Variants in COG5 observed in about 807,000 individuals in gnomAD.
The protein encoded by COG5 is conserved oligomeric Golgi complex subunit 5.
Under a neutral mutation model 110.4 loss-of-function variants are expected in COG5, and 86 were observed. The ratio of observed to expected loss-of-function variants is 0.78; its 90% CI spans 0.65 to 0.93. The LOEUF is 0.93. Ranked by LOEUF, COG5 falls within the 40% of genes least tolerant of loss-of-function variation. COG5 has a pLI of 0.00. For synonymous variants in COG5, 360 were observed against 334.6 expected (o/e 1.08, Z -0.83); for missense variants, 1,077 against 987.0 (o/e 1.09, Z -1.22).
intron 6 of COG5, among the ~76,000 whole-genome samples, chr7:107,461,873 C>G (rs898794591): frequency 6.6e-6 from 1 of 151,922 alleles, no homozygotes; most frequent in African/African-American, 2.4e-5. Flanking sequence ...AAAATATTAC[C>G]AAGAGAAATT....
intron 10 of COG5, among the ~76,000 whole-genome samples, chr7:107,355,419 A>G (rs188364187): frequency 2.0e-5 from 3 of 152,332 alleles, no homozygotes; most frequent in African/African-American, 7.2e-5. Flanking sequence ...TTATGTATTT[A>G]CCCAAAAGAG....
chr7:107,506,971 T>C (rs1173849094), intron 6 of COG5, among the ~76,000 whole-genome samples: 1 of 152,218 alleles, frequency 6.6e-6, no homozygotes, highest in Non-Finnish European at 1.5e-5. Flanking sequence ...TGGCTCCCCT[T>C]GGTCTACTCT....
intron 6 of COG5, among the ~76,000 whole-genome samples, chr7:107,505,737 G>T (rs1046747946): frequency 1.3e-5 from 2 of 152,162 alleles, no homozygotes; most frequent in African/African-American, 4.8e-5. Context: ...GGGACTCAAG[G>T]CCTCCCGCCT....
chr7:107,477,309 T>C (rs1368044823), intron 6 of COG5, among the ~76,000 whole-genome samples: 1 of 151,758 alleles, frequency 6.6e-6, no homozygotes, highest in Admixed American at 6.6e-5. Flanking sequence ...TCTAGTTTTA[T>C]AATCTCAATA....
chr7:107,498,286 A>G (rs1023877984), intron 6 of COG5, among the ~76,000 whole-genome samples: 1 of 152,224 alleles, frequency 6.6e-6, no homozygotes, highest in Non-Finnish European at 1.5e-5. Context: ...AAGTGCGACT[A>G]CATGAAACTA....
At chr7:107,388,552 G>C (rs2129055743) in intron 7 of COG5, among the ~76,000 whole-genome samples, 1 of 152,272 alleles carries the variant, frequency 6.6e-6, no homozygotes, top group African/African-American at 2.4e-5. Context: ...AAAAGGGAGA[G>C]TATGGGTAAA....
chr7:107,295,229 A>C (rs968255817), intron 12 of COG5, among the ~76,000 whole-genome samples: 3 of 147,928 alleles, frequency 2.0e-5, no homozygotes, highest in Non-Finnish European at 3.0e-5. Flanking sequence ...GAGCCACCAC[A>C]CCGTACCCAG....
chr7:107,254,428 A>G (rs961363296), intron 16 of COG5, among the ~76,000 whole-genome samples: 13 of 151,920 alleles, frequency 8.6e-5, no homozygotes, highest in African/African-American at 2.7e-4. Flanking sequence ...ACAGTTTTTT[A>G]TAAGACTTAA....
In COG5 at chr7:107,248,407, T is replaced by C; in HGVS notation, c.1842A>G (p.Glu614=). 1 of 1,607,504 alleles carries C rather than the reference T, an allele frequency of 6.2e-7. No individual in the cohort carries two copies. The highest frequency in any genetic ancestry group is 8.5e-7 in the Non-Finnish European group (1 of 1,174,506). ...TTAGAAGTAATTACCCAGAAAAGTCTTCTTGATGCATGGTGATGATTATGG... is the reference window on the plus strand; with the variant it reads ...TTAGAAGTAATTACCCAGAAAAGTCCTCTTGATGCATGGTGATGATTATGG... ...IEAIIITMHQ[E]DFSGSLSSSG... The change falls in exon 17 of 22, where the codon GAA becomes GAG. Residue 614 remains glutamate, a synonymous_variant. Coordinates refer to ENST00000297135, the MANE Select transcript of COG5 (RefSeq NM_006348.5).
At chr7:107,320,722 T>C (rs1809190414) in intron 11 of COG5, among the ~76,000 whole-genome samples, 1 of 152,160 alleles carries the variant, frequency 6.6e-6, no homozygotes, top group Non-Finnish European at 1.5e-5. Flanking sequence ...GGAGGTATAA[T>C]TAAAGGTATA....
chr7:107,427,989 C>T (rs1028408232), intron 6 of COG5, among the ~76,000 whole-genome samples: 3 of 151,934 alleles, frequency 2.0e-5, no homozygotes, highest in Non-Finnish European at 2.9e-5. Flanking sequence ...ATGGGAAGTG[C>T]GTGCTGACTG....
chr7:107,236,775 T>C (rs1262218115), intron 17 of COG5, 88 bp from the exon 18 acceptor site: 5 of 854,262 alleles, frequency 5.9e-6, no homozygotes, highest in Non-Finnish European at 1.0e-5. Flanking sequence ...AATGCTGCTA[T>C]TTCAATCCTT....
chr7:107,294,966 C>CAT lies in COG5; in HGVS notation c.1313+3174_1313+3175dup, dbSNP rs1204520166. On this transcript the variant is annotated intron_variant, in intron 12 of 21. Coordinates refer to ENST00000297135, the MANE Select transcript of COG5 (RefSeq NM_006348.5). ...ACACACACACATATATATATACACA[C>CAT]ATATATATATACACATATATACACA... Among the ~76,000 whole-genome samples, 28 of 125,432 alleles carry CAT rather than the reference C, an allele frequency of 2.2e-4. No individual in the cohort carries two copies. The East Asian group carries it at 3.1e-3, about 14-fold the overall frequency. 82.3% of individuals were successfully genotyped at this position (125,432 alleles called of 152,430 possible).
chr7:107,487,751 TAAC>T (rs1232671377), intron 6 of COG5, among the ~76,000 whole-genome samples: 1 of 152,024 alleles, frequency 6.6e-6, no homozygotes, highest in African/African-American at 2.4e-5. Context: ...CTAAAATAAT[TAAC>T]AATAGATTAT....
chr7:107,445,348 C>CAT (rs1413031087), intron 6 of COG5, among the ~76,000 whole-genome samples: 2 of 152,292 alleles, frequency 1.3e-5, no homozygotes, highest in Non-Finnish European at 2.9e-5. Context: ...CCTCAAGATA[C>CAT]AATATCCTCA....
intron 18 of COG5, among the ~76,000 whole-genome samples, chr7:107,235,675 C>G (rs951513531): frequency 2.0e-4 from 31 of 152,184 alleles, no homozygotes; most frequent in Non-Finnish European, 7.4e-5. Context: ...TGCACTCCAA[C>G]CTGGGCGACA....
Position 107,298,192 on chromosome 7 carries a change from G to A in COG5, c.1263C>T (p.His421=). Residue 421 remains histidine, a synonymous_variant, in exon 12 of 22, where the codon CAC becomes CAT. Coordinates refer to ENST00000297135, the MANE Select transcript of COG5 (RefSeq NM_006348.5). Reference sequence around the variant, plus strand: ...ATATATCTTGTGCATCATCTTCCATGTGTTGTAGGTCAACATAGAGGTCTG... The same window carrying A: ...ATATATCTTGTGCATCATCTTCCATATGTTGTAGGTCAACATAGAGGTCTG... ...GTTDLYVDLQ[H]MEDDAQDIFI... is the part of the protein sequence containing the mutation. The A allele has an allele frequency of 1.2e-6, 2 of 1,613,012 alleles. No individual in the cohort carries two copies. The highest frequency in any genetic ancestry group is 1.7e-6 in the Non-Finnish European group (2 of 1,179,350).
chr7:107,538,158 T>TA (rs1197319755), intron 5 of COG5, among the ~76,000 whole-genome samples: 1 of 152,142 alleles, frequency 6.6e-6, no homozygotes, highest in Non-Finnish European at 1.5e-5. Flanking sequence ...CTTTTCTTTG[T>TA]AACCACATGT....
At chr7:107,518,927 AT>A (rs754427548) in intron 6 of COG5, among the ~76,000 whole-genome samples, 7 of 152,232 alleles carry the variant, frequency 4.6e-5, no homozygotes, top group Non-Finnish European at 8.8e-5. Flanking sequence ...TTGTCAGCAA[AT>A]GCAAAAGAAT....
Sources: allele counts gnomAD v4.1 joint callset (sites outside exome capture counted in the v4.1 genomes callset), GRCh38; gene constraint gnomAD v4.1.1; transcripts MANE v1.5; gene names NCBI Gene and HGNC (gene_info 2026-07-23, HGNC 2026-07-21).